The following KNDC1 variants were observed in gnomAD, a reference collection of about 807,000 sequenced individuals.
KNDC1 encodes kinase non-catalytic C-lobe domain-containing protein 1.
Under a neutral mutation model 172.8 loss-of-function variants are expected in KNDC1, and 106 were observed. The ratio of observed to expected loss-of-function variants is 0.61; its 90% CI spans 0.52 to 0.72. The LOEUF is 0.72. KNDC1 is among the 30% of genes least tolerant of loss of function. KNDC1 has a pLI of 0.00. For missense variants in KNDC1, 2,325 were observed against 2,394.5 expected (o/e 0.97, Z 0.61); for synonymous variants, 1,083 against 1,062.2 (o/e 1.02, Z -0.38).
At chr10:133,220,843 A>C (rs954182392) in intron 29 of KNDC1, among the ~76,000 whole-genome samples, 2 of 145,164 alleles carry the variant, frequency 1.4e-5, no homozygotes, top group African/African-American at 5.1e-5. Flanking sequence ...GTGGCCGCGC[A>C]TCCAGCAGAG....
intron 17 of KNDC1, among the ~76,000 whole-genome samples, chr10:133,205,348 G>A (rs781475309): frequency 4.3e-4 from 65 of 152,212 alleles, no homozygotes; most frequent in Non-Finnish European, 7.9e-4. Flanking sequence ...GGCGGCCCTC[G>A]CCCCCAGCTC....
At chr10:133,204,543 C>T (rs1854470041) in intron 17 of KNDC1, among the ~76,000 whole-genome samples, 2 of 152,220 alleles carry the variant, frequency 1.3e-5, no homozygotes, top group South Asian at 4.1e-4. Context: ...GCCTGGCCCT[C>T]CGTGGCACCG....
At chr10:133,197,591 G>T (rs1040404028) in intron 11 of KNDC1, 84 bp from the exon 12 acceptor site, 1 of 1,017,742 alleles carries the variant, frequency 9.8e-7, no homozygotes, top group South Asian at 1.3e-5. Flanking sequence ...GGCACCGGCG[G>T]GTGGTGGGGG....
At chr10:133,202,800 C>T (rs1481853510) in intron 17 of KNDC1, 3 of 386,612 alleles carry the variant, frequency 7.8e-6, no homozygotes, top group Non-Finnish European at 1.6e-5. Flanking sequence ...GCTTCTGGGC[C>T]ACGTGAAAGA....
In KNDC1 at chr10:133,183,861, C is replaced by A. The variant is rs779064594; in HGVS notation, c.508-11C>A. ...TCCGAGCCTTCCTGTCTGAGGTGTT[C>A]CCGTCCCCAGAGCATCATCGCGCTG... On this transcript the variant is annotated splice_polypyrimidine_tract_variant and intron_variant, in intron 4 of 29. Transcript: ENST00000304613. 1.3e-6 allele frequency: 2 copies of A among 1,558,256 alleles called. No homozygotes were observed. Among genetic ancestry groups the A allele is most frequent in the South Asian group, 1.2e-5 (1 of 86,148 alleles).
chr10:133,188,860 C>T (rs1013774496), intron 7 of KNDC1, among the ~76,000 whole-genome samples: 5 of 151,786 alleles, frequency 3.3e-5, no homozygotes, highest in African/African-American at 7.3e-5. Context: ...CTCCGGTGAA[C>T]GGAACAGGCG....
At chr10:133,164,770 G>A (rs1853094005) in intron 1 of KNDC1, among the ~76,000 whole-genome samples, 1 of 152,152 alleles carries the variant, frequency 6.6e-6, no homozygotes, top group Admixed American at 6.5e-5. Context: ...AGGACGCCCA[G>A]ATAGCTCCCG....
rs11101641 is a variant in KNDC1, at chr10:133,211,343, G to C, written c.3909-79G>C. ...GCCTGGTCCCACCCTGCCTCTCTGG[G>C]AGAGCCACATGCAAGCCCCTGGGCC... On this transcript the variant is annotated intron_variant, in intron 21 of 29. Transcript: ENST00000304613. The C allele has an allele frequency of 9.8e-5, 137 of 1,394,600 alleles. No homozygotes were observed. The East Asian group carries it at 2.6e-3, about 27-fold the overall frequency. 86.4% of individuals were successfully genotyped at this position (1,394,600 alleles called of 1,614,324 possible).
At position 133,199,178 on chromosome 10, in the gene KNDC1, C is replaced by T. The variant is rs1304539568; in HGVS notation, c.2670C>T (p.Cys890=). 2 of 1,596,040 alleles carry T rather than the reference C, an allele frequency of 1.3e-6. No individual in the cohort carries two copies. The highest frequency in any genetic ancestry group is 3.5e-5 in the Admixed American group (2 of 57,254). Residue 890 remains cysteine, a synonymous_variant, in exon 14 of 30, where the codon TGC becomes TGT. Transcript: ENST00000304613. ...DASPLPGRTA[C]PSLQEATRLI... ...CGCCACTCCCAGGGAGGACGGCCTGCCCGTCGCTGCAGGAGGCCACGCGCC... is the reference window on the plus strand; with the variant it reads ...CGCCACTCCCAGGGAGGACGGCCTGTCCGTCGCTGCAGGAGGCCACGCGCC...
At position 133,188,544 on chromosome 10, in the gene KNDC1, G is replaced by A. The variant is rs2135982302; in HGVS notation, c.1332G>A (p.Val444=). The stretch of plus-strand genomic sequence containing the variant: ...CGCCGCTCTCCTGCCCACAGTGGGT[G>A]TCCCTGCAGGACCTCCTGTCCCAGC... ...QLESAAAEQW[V]SLQDLLSQLG... The change falls in exon 7 of 30, where the codon GTG becomes GTA. Residue 444 remains valine, a synonymous_variant. Coordinates refer to ENST00000304613, the MANE Select transcript of KNDC1 (RefSeq NM_152643.8). 2 of 1,560,086 alleles carry A rather than the reference G, an allele frequency of 1.3e-6. No homozygotes were observed. Among genetic ancestry groups the A allele is most frequent in the Non-Finnish European group, 1.7e-6 (2 of 1,151,678 alleles).
intron 3 of KNDC1, among the ~76,000 whole-genome samples, chr10:133,172,767 C>T (rs114038682): frequency 0.016 from 2,437 of 152,152 alleles, 70 homozygotes; most frequent in African/African-American, 0.056. Flanking sequence ...TTGGGGAGGC[C>T]GAGTCAGGAG....
intron 3 of KNDC1, among the ~76,000 whole-genome samples, chr10:133,172,534 C>G (rs994806512): frequency 6.6e-6 from 1 of 152,180 alleles, no homozygotes; most frequent in African/African-American, 2.4e-5. Context: ...GATGTTTTCA[C>G]CGGCCTCAGG....
chr10:133,177,185 C>T (rs1028355234), intron 3 of KNDC1, among the ~76,000 whole-genome samples: 9 of 144,230 alleles, frequency 6.2e-5, no homozygotes, highest in Admixed American at 1.4e-4. Context: ...TATAGTGTGT[C>T]ATGTGCACGT....
At chr10:133,188,769 C>T (rs1350662812) in intron 7 of KNDC1, 116 bp downstream of exon 7, 1 of 588,558 alleles carries the variant, frequency 1.7e-6, no homozygotes. Context: ...CACGCCCCCC[C>T]ACTGTCCCAT....
chr10:133,187,200 G>A (rs1457182353), intron 6 of KNDC1, among the ~76,000 whole-genome samples: 1 of 152,246 alleles, frequency 6.6e-6, no homozygotes, highest in Non-Finnish European at 1.5e-5. Context: ...GGGATCTGGT[G>A]CGGCTGCCCG....
Position 133,163,886 on chromosome 10 carries a change from A to G in KNDC1, c.102+3317A>G, listed in dbSNP as rs777508971. 4.1e-5 allele frequency among the ~76,000 whole-genome samples: 6 copies of G among 147,152 alleles called. No homozygotes were observed. Among genetic ancestry groups the G allele is most frequent in the Non-Finnish European group, 7.6e-5 (5 of 66,202 alleles). On this transcript the variant is annotated intron_variant, in intron 1 of 29. Coordinates refer to ENST00000304613, the MANE Select transcript of KNDC1 (RefSeq NM_152643.8). This position sits in a 1 kb window ranked among gnomAD's most constrained non-coding sequence, Gnocchi z 4.4. ...GGGGTTCATGTCCACCTGCCTTCCC[A>G]AATCCCTCCTCCCACCTGGGATGGG... is the stretch of plus-strand genomic sequence containing the variant.
chr10:133,215,976 A>C (rs1845462922), intron 26 of KNDC1, among the ~76,000 whole-genome samples: 1 of 152,174 alleles, frequency 6.6e-6, no homozygotes, highest in South Asian at 2.1e-4. Flanking sequence ...CTCGCCGGAG[A>C]CCCACTTCTA....
Position 133,216,572 on chromosome 10 carries a change from G to A in KNDC1, c.4678-2259G>A, listed in dbSNP as rs117244539. Among the ~76,000 whole-genome samples, 545 of 152,242 alleles carry A rather than the reference G, an allele frequency of 3.6e-3. 10 individuals are homozygous for A. In the East Asian group the frequency reaches 0.038, roughly 11 times the overall value. ...CACACCTGGAGTCCCAGCTCCTCAG[G>A]AGGCTGAGGCGGGAGGATCACTGGA... On this transcript the variant is annotated intron_variant, in intron 26 of 29. Transcript: ENST00000304613.
chr10:133,196,202 C>T (rs1854186664), intron 10 of KNDC1, among the ~76,000 whole-genome samples: 1 of 152,144 alleles, frequency 6.6e-6, no homozygotes, highest in Non-Finnish European at 1.5e-5. Context: ...GCCTCCACAC[C>T]TCACCCCCCA....
Sources: gnomAD v4.1 joint callset for allele counts (sites outside exome capture counted in the v4.1 genomes callset) on GRCh38, gnomAD v4.1.1 for gene constraint, Gnocchi (gnomAD v3.1) non-coding constraint, MANE v1.5 for transcripts, NCBI Gene and HGNC (gene_info 2026-07-23, HGNC 2026-07-21) for gene names.